The following TYW2 variants were observed in gnomAD, a reference collection of about 807,000 sequenced individuals.
TYW2 encodes the protein tRNA wybutosine-synthesizing protein 2 homolog.
At chr8:124,451,820 A>C in the TYW2 span, 1 of 1,614,136 alleles carries the variant, frequency 6.2e-7, no homozygotes, top group East Asian at 2.2e-5. Flanking sequence ...AGAAAACTGA[A>C]GCTCTCAAAT....
chr8:124,451,818 G>A, the TYW2 span: 1 of 1,614,178 alleles, frequency 6.2e-7, no homozygotes, highest in Non-Finnish European at 8.5e-7. Context: ...ACAGAAAACT[G>A]AAGCTCTCAA....
chr8:124,451,841 G>A, the TYW2 span: 1 of 1,614,168 alleles, frequency 6.2e-7, no homozygotes, highest in East Asian at 2.2e-5. Context: ...ATTGCAGATA[G>A]GGTGATCCTG....
chr8:124,451,139 T>A, the TYW2 span: 1 of 1,614,146 alleles, frequency 6.2e-7, no homozygotes, highest in African/African-American at 1.3e-5. Flanking sequence ...GAGCAGCACC[T>A]GCAGGAGCTG....
At chr8:124,451,212 G>T in the TYW2 span, 2 of 1,614,120 alleles carry the variant, frequency 1.2e-6, no homozygotes, top group South Asian at 2.2e-5. Context: ...CTGTTCCTTC[G>T]AAGAGGGCCC....
the TYW2 span, chr8:124,452,407 T>TC: frequency 1.2e-6 from 1 of 818,300 alleles, no homozygotes; most frequent in South Asian, 2.0e-5. Flanking sequence ...GAAAGCAGGC[T>TC]CTAGATCAAT....
the TYW2 span, chr8:124,452,215 C>G: frequency 6.2e-7 from 1 of 1,614,128 alleles, no homozygotes; most frequent in Non-Finnish European, 8.5e-7. Context: ...ATCCTATGCT[C>G]CCCATGTGGA....
the TYW2 span, chr8:124,450,970 G>C: frequency 3.0e-5 from 48 of 1,614,136 alleles, no homozygotes; most frequent in African/African-American, 6.1e-4. Flanking sequence ...GAGAGAAAGT[G>C]GGAAGCCCGT....
chr8:124,452,806 G>A, the TYW2 span: 2 of 167,784 alleles, frequency 1.2e-5, no homozygotes, highest in African/African-American at 4.8e-5. Context: ...GGACTCGGAT[G>A]GTGGTAATGG....
At chr8:124,452,296 A>G in the TYW2 span, 34 of 1,606,174 alleles carry the variant, frequency 2.1e-5, no homozygotes, top group African/African-American at 3.5e-4. Context: ...CCTGGGACAC[A>G]TGGGATCCAC....
chr8:124,451,663 G>A, the TYW2 span: 1 of 1,614,188 alleles, frequency 6.2e-7, no homozygotes. Context: ...TGCAGGGATT[G>A]GTTATTTTAC....
At chr8:124,451,347 CTTG>C in the TYW2 span, 1 of 1,614,172 alleles carries the variant, frequency 6.2e-7, no homozygotes, top group South Asian at 1.1e-5. Flanking sequence ...ATGGTAATCT[CTTG>C]TTGCTGAGTG....
the TYW2 span, chr8:124,451,133 A>G: frequency 1.9e-6 from 3 of 1,614,084 alleles, no homozygotes; most frequent in African/African-American, 4.0e-5. Context: ...CTTCCAGAGC[A>G]GCACCTGCAG....
At chr8:124,451,533 G>C in the TYW2 span, 1 of 1,614,156 alleles carries the variant, frequency 6.2e-7, no homozygotes, top group South Asian at 1.1e-5. Context: ...TAGAGCATGT[G>C]GATAATGGTA....
the TYW2 span, chr8:124,452,142 T>A: frequency 6.2e-7 from 1 of 1,614,220 alleles, no homozygotes. Flanking sequence ...GAATCGCCAC[T>A]CTTCTTCAGC....
the TYW2 span, chr8:124,451,178 G>A: frequency 6.2e-7 from 1 of 1,614,192 alleles, no homozygotes; most frequent in Non-Finnish European, 8.5e-7. Flanking sequence ...GGCAGTCCCT[G>A]TATGCTCACG....
chr8:124,451,379 A>G, the TYW2 span: 2 of 1,614,184 alleles, frequency 1.2e-6, no homozygotes, highest in African/African-American at 1.3e-5. Context: ...TTCCAAGCCA[A>G]GCAGTGGAAA....
chr8:124,451,100 C>T, the TYW2 span: 10 of 1,614,058 alleles, frequency 6.2e-6, no homozygotes, highest in Non-Finnish European at 7.6e-6. Context: ...GGCTCGGTGG[C>T]GCTACCGGTG....
the TYW2 span, chr8:124,451,654 G>T: frequency 6.2e-7 from 1 of 1,614,242 alleles, no homozygotes; most frequent in Non-Finnish European, 8.5e-7. Context: ...GGATCTCTAT[G>T]CAGGGATTGG....
chr8:124,451,990 G>A, the TYW2 span: 1 of 1,614,176 alleles, frequency 6.2e-7, no homozygotes. Flanking sequence ...AGTCAGCAAA[G>A]TAGAGAAAGA....
Sources: gnomAD v4.1 joint callset for allele counts on GRCh38, gnomAD v4.1.1 for gene constraint, MANE v1.5 for transcripts, NCBI Gene and HGNC (gene_info 2026-07-23, HGNC 2026-07-21) for gene names.